Variants in USP31 observed in about 807,000 individuals in gnomAD.
USP31 encodes ubiquitin carboxyl-terminal hydrolase 31.
USP31 carries 44 observed loss-of-function variants against 119.4 expected under a neutral mutation model. The ratio of observed to expected loss-of-function variants is 0.37; its 90% confidence interval spans 0.29 to 0.47. The LOEUF is 0.47. Among genes scored for constraint, USP31 ranks in the 20% least tolerant of loss-of-function variants. The pLI is 0.99. For missense variants in USP31, 1,643 were observed against 1,730.2 expected (o/e 0.95, Z 0.89); for synonymous variants, 749 against 705.6 (o/e 1.06, Z -0.97).
intron 1 of USP31, among the ~76,000 whole-genome samples, chr16:23,115,610 G>GA (rs141253343): frequency 6.6e-6 from 1 of 152,014 alleles, no homozygotes; most frequent in Non-Finnish European, 1.5e-5. Context: ...TTTCTGTTTG[G>GA]AAAAAAATAT....
At chr16:23,128,020 T>C (rs1299251673) in intron 1 of USP31, among the ~76,000 whole-genome samples, 1 of 152,168 alleles carries the variant, frequency 6.6e-6, no homozygotes, top group Non-Finnish European at 1.5e-5. Flanking sequence ...GAATTTACGC[T>C]GGTGTTACAA....
chr16:23,072,616 ACT>A, intron 14 of USP31: 3 of 451,296 alleles, frequency 6.6e-6, no homozygotes, highest in Middle Eastern at 5.6e-4. Context: ...GCGGCAGTAT[ACT>A]CTTTTTCTCT....
In USP31 at chr16:23,148,771, T is replaced by C; in HGVS notation, c.500A>G (p.Glu167Gly). ...AGGCTGCTCCGGGTCAGGCGAGGGCTCGGGCCGCCCCGCCCGGTACTGGCC... is the reference window on the plus strand; with the variant it reads ...AGGCTGCTCCGGGTCAGGCGAGGGCCCGGGCCGCCCCGCCCGGTACTGGCC... Reference protein sequence around the residue: ...ALGQYRAGRPEPSPDPEQPAG... With the variant: ...ALGQYRAGRPGPSPDPEQPAG... The change falls in exon 1 of 16, where the codon GAG becomes GGG. Residue 167 changes from glutamate to glycine, a missense_variant. Transcript: ENST00000219689. The C allele has an allele frequency of 6.5e-7, 1 of 1,529,482 alleles. No homozygotes were observed. Among genetic ancestry groups the C allele is most frequent in the Non-Finnish European group, 8.7e-7 (1 of 1,143,734 alleles). The allele number at this position is 1,529,482 out of a possible 1,614,324, so 94.7% of individuals were successfully genotyped here.
intron 2 of USP31, among the ~76,000 whole-genome samples, chr16:23,107,685 T>C (rs1902163310): frequency 6.6e-6 from 1 of 152,250 alleles, no homozygotes; most frequent in Admixed American, 6.5e-5. Context: ...TCCTTTATGA[T>C]TGTGTATTCA....
Position 23,068,449 on chromosome 16 carries a change from C to T in USP31, c.3656G>A (p.Ser1219Asn), listed in dbSNP as rs1567222769. ...GGACAGCCCCTTGTCCTCAGACTTG[C>T]TGTCCCTCTTCAAACCAGACTTGAT... ...TSIKSGLKRD[S>N]KSEDKGLSFF... The change falls in exon 16 of 16, where the codon AGC becomes AAC. Residue 1219 changes from serine to asparagine, a missense_variant. This residue lies in a region of USP31 where 699 missense variants were observed against 650.9 expected (regional missense o/e 1.07). Coordinates refer to ENST00000219689, the MANE Select transcript of USP31 (RefSeq NM_020718.4). 1.2e-6 allele frequency: 2 copies of T among 1,613,588 alleles called. No homozygotes were observed. The highest frequency in any genetic ancestry group is 1.3e-5 in the African/African-American group (1 of 74,940).
At chr16:23,138,153 G>A in intron 1 of USP31, among the ~76,000 whole-genome samples, 1 of 152,188 alleles carries the variant, frequency 6.6e-6, no homozygotes, top group African/African-American at 2.4e-5. Context: ...CAGAATGACA[G>A]ATTTAGTGCT....
intron 14 of USP31, chr16:23,072,693 T>G (rs1042690678): frequency 3.0e-6 from 1 of 329,594 alleles, no homozygotes; most frequent in Non-Finnish European, 5.5e-6. Flanking sequence ...CACAGCTATA[T>G]GTCAATCTGC....
intron 11 of USP31, among the ~76,000 whole-genome samples, chr16:23,084,371 G>C (rs2141844723): frequency 6.6e-6 from 1 of 152,248 alleles, no homozygotes; most frequent in South Asian, 2.1e-4. Flanking sequence ...GTTCAATATG[G>C]GACCCACTAG....
chr16:23,084,784 G>A (rs1291701535), intron 11 of USP31, 76 bp downstream of exon 11: 3 of 1,577,126 alleles, frequency 1.9e-6, no homozygotes, highest in African/African-American at 2.7e-5. Flanking sequence ...GGCGTGATTT[G>A]TTTCTCCACT....
rs758822670 is a variant in USP31, at chr16:23,068,225, C to T, written c.3880G>A (p.Val1294Ile). 8.1e-6 allele frequency: 13 copies of T among 1,614,166 alleles called. 1 individual carries two copies. The South Asian group carries it at 1.3e-4, about 16-fold the overall frequency. The change falls in exon 16 of 16, where the codon GTC becomes ATC. Residue 1294 changes from valine (V) to isoleucine (I), a missense_variant. Coordinates refer to ENST00000219689, the MANE Select transcript of USP31 (RefSeq NM_020718.4). The stretch of plus-strand genomic sequence containing the variant: ...TTGGCAGAAGCAGGGTCCTTGGTGA[C>T]AAGCTGCTCTTTTCCCGTTGTATTT... ...NANTTGKEQL[V>I]TKDPASAKHS...
chr16:23,075,999 G>T (rs530347811), intron 13 of USP31, among the ~76,000 whole-genome samples: 1 of 152,096 alleles, frequency 6.6e-6, no homozygotes, highest in Non-Finnish European at 1.5e-5. Flanking sequence ...GAGGTAGGAG[G>T]ATCTTGAGCC....
At chr16:23,078,080 A>G (rs1230592970) in intron 13 of USP31, among the ~76,000 whole-genome samples, 2 of 152,150 alleles carry the variant, frequency 1.3e-5, no homozygotes, top group South Asian at 2.1e-4. Flanking sequence ...TTGGGAGGCC[A>G]AGGAGGGCAG....
chr16:23,075,951 G>A (rs929985328), intron 13 of USP31, among the ~76,000 whole-genome samples: 2 of 152,128 alleles, frequency 1.3e-5, no homozygotes, highest in Non-Finnish European at 2.9e-5. Context: ...AGGCAAGTGT[G>A]GTGGCGCACA....
intron 13 of USP31, 134 bp from the exon 14 acceptor site, chr16:23,074,014 A>G (rs1900457976): frequency 8.4e-7 from 1 of 1,194,562 alleles, no homozygotes; most frequent in Admixed American, 2.1e-5. Context: ...ACACAGAAAG[A>G]GATTAAAAAA....
At chr16:23,077,235 G>A (rs1567226808) in intron 13 of USP31, among the ~76,000 whole-genome samples, 1 of 152,122 alleles carries the variant, frequency 6.6e-6, no homozygotes, top group Non-Finnish European at 1.5e-5. Flanking sequence ...CACAAGATGC[G>A]CTCAAAGTTG....
At chr16:23,131,821 G>A (rs1486336788) in intron 1 of USP31, among the ~76,000 whole-genome samples, 2 of 152,106 alleles carry the variant, frequency 1.3e-5, no homozygotes, top group East Asian at 3.9e-4. Flanking sequence ...CAATCAGATG[G>A]CTCTCTGCCT....
intron 1 of USP31, among the ~76,000 whole-genome samples, chr16:23,136,963 G>C (rs951214625): frequency 1.3e-5 from 2 of 151,526 alleles, no homozygotes; most frequent in African/African-American, 2.4e-5. Context: ...CTGTAATCCC[G>C]GCACTTTGGG....
intron 1 of USP31, among the ~76,000 whole-genome samples, chr16:23,114,413 A>G (rs942357306): frequency 2.0e-5 from 3 of 151,718 alleles, no homozygotes; most frequent in Admixed American, 6.6e-5. Flanking sequence ...TCTGTCCTGA[A>G]TCCTCTCTCT....
At chr16:23,146,139 AG>A (rs1292457800) in intron 1 of USP31, among the ~76,000 whole-genome samples, 2 of 151,356 alleles carry the variant, frequency 1.3e-5, no homozygotes, top group African/African-American at 4.9e-5. Context: ...TTTGGAAAAG[AG>A]GAGAAAACCA....
Sources: gnomAD v4.1 joint callset for allele counts (sites outside exome capture counted in the v4.1 genomes callset) on GRCh38, gnomAD v4.1.1 for gene constraint, gnomAD v4.1.1 regional missense constraint, MANE v1.5 for transcripts, NCBI Gene and HGNC (gene_info 2026-07-23, HGNC 2026-07-21) for gene names.